TMED3: variants seen among roughly 807,000 people sequenced by gnomAD.
TMED3 encodes the protein transmembrane emp24 domain-containing protein 3.
TMED3 carries 9 observed loss-of-function variants against 15.0 expected under a neutral mutation model. That is an observed-to-expected ratio of 0.60 (90% CI 0.36 to 1.04). The LOEUF is 1.04. TMED3 is among the 50% of genes least tolerant of loss of function. The pLI, the probability that TMED3 is intolerant of heterozygous loss-of-function variation, is 0.01. For missense variants in TMED3, 267 were observed against 278.9 expected (o/e 0.96, Z 0.30); for synonymous variants, 117 against 121.4 (o/e 0.96, Z 0.24).
intron 2 of TMED3, among the ~76,000 whole-genome samples, chr15:79,402,639 T>C (rs935835204): frequency 2.6e-5 from 4 of 151,848 alleles, no homozygotes; most frequent in African/African-American, 9.7e-5. Flanking sequence ...AAGAAAAAAT[T>C]AGCTGGGCAT....
rs866615653 is a variant in TMED3, at chr15:79,350,281, C to T, written c.417+36276C>T. On this transcript the variant is annotated intron_variant, in intron 2 of 2. Coordinates refer to the TMED3 transcript ENST00000424155. The stretch of plus-strand genomic sequence containing the variant: ...AACAGGATATATGTATATATGAAAG[C>T]GAGTTTATTAGGAGAATTGACTCAC... Among the ~76,000 whole-genome samples, 4 of 152,194 alleles carry T rather than the reference C, an allele frequency of 2.6e-5. No individual in the cohort carries two copies. The South Asian group carries it at 6.2e-4, about 24-fold the overall frequency.
At chr15:79,338,863 CGTAA>C (rs2058838017) in intron 2 of TMED3, among the ~76,000 whole-genome samples, 1 of 151,818 alleles carries the variant, frequency 6.6e-6, no homozygotes, top group African/African-American at 2.4e-5. Flanking sequence ...CTAGCGGTAG[CGTAA>C]GTGTCAAGGA....
chr15:79,311,525 G>A, intron 1 of TMED3, 108 bp downstream of exon 1: 2 of 1,369,608 alleles, frequency 1.5e-6, no homozygotes, highest in Middle Eastern at 2.5e-4. Context: ...CAGGCTACAG[G>A]GAGGCTGCAT....
intron 2 of TMED3, among the ~76,000 whole-genome samples, chr15:79,331,542 C>CAAAAAAA (rs71451761): frequency 1.1e-5 from 1 of 89,286 alleles, no homozygotes; most frequent in Non-Finnish European, 2.1e-5. Context: ...GCAAAAGAAG[C>CAAAAAAA]AAAAAAAAAA....
chr15:79,314,322 G>A (rs536149797), intron 2 of TMED3, among the ~76,000 whole-genome samples: 4 of 152,294 alleles, frequency 2.6e-5, no homozygotes, highest in African/African-American at 9.6e-5. Flanking sequence ...CTTATATGAT[G>A]TGCCTGTATC....
At chr15:79,313,088 A>G (rs1319088177) in intron 1 of TMED3, among the ~76,000 whole-genome samples, 2 of 152,206 alleles carry the variant, frequency 1.3e-5, no homozygotes, top group Non-Finnish European at 2.9e-5. Context: ...TCCTCACTTC[A>G]TGGATAAAGA....
At chr15:79,324,324 A>G (rs1164162425), downstream of TMED3, among the ~76,000 whole-genome samples, 3 of 152,214 alleles carry the variant, frequency 2.0e-5, no homozygotes, top group African/African-American at 7.2e-5. Context: ...TAAGCTTTAC[A>G]GTTAAACAGC....
chr15:79,331,780 C>T (rs911879258), intron 2 of TMED3, among the ~76,000 whole-genome samples: 3 of 151,974 alleles, frequency 2.0e-5, no homozygotes, highest in African/African-American at 4.8e-5. Context: ...TATAAATGGC[C>T]GACAAAATAT....
chr15:79,356,665 G>A (rs28567414), intron 2 of TMED3, among the ~76,000 whole-genome samples: 14,268 of 152,254 alleles, frequency 0.094, 713 homozygotes, highest in Admixed American at 0.12. Context: ...GGGGATGGGG[G>A]AGGTCTACGC....
At chr15:79,352,270 C>T (rs1422614180) in intron 2 of TMED3, among the ~76,000 whole-genome samples, 1 of 152,156 alleles carries the variant, frequency 6.6e-6, no homozygotes, top group Non-Finnish European at 1.5e-5. Flanking sequence ...ACCATTGTTT[C>T]TGAACTTCCC....
intron 2 of TMED3, among the ~76,000 whole-genome samples, chr15:79,382,691 A>AT (rs1893556746): frequency 6.6e-6 from 1 of 152,066 alleles, no homozygotes; most frequent in South Asian, 2.1e-4. Context: ...TGGAAACCTT[A>AT]ATCCCTTTCT....
chr15:79,324,867 G>A (rs559834429), downstream of TMED3, among the ~76,000 whole-genome samples: 1 of 152,328 alleles, frequency 6.6e-6, no homozygotes, highest in South Asian at 2.1e-4. Context: ...TCTGCTATGT[G>A]CTACTTGTGC....
intron 2 of TMED3, among the ~76,000 whole-genome samples, chr15:79,339,072 G>A (rs952225087): frequency 2.6e-5 from 4 of 152,140 alleles, no homozygotes; most frequent in African/African-American, 9.7e-5. Context: ...GTTCCATCCT[G>A]TACTCCTGGC....
intron 2 of TMED3, among the ~76,000 whole-genome samples, chr15:79,379,362 G>T (rs758376949): frequency 9.2e-5 from 14 of 152,114 alleles, no homozygotes; most frequent in African/African-American, 3.4e-4. Flanking sequence ...CCAATTTCTT[G>T]TTGGCAAAGT....
At chr15:79,367,400 G>A (rs1893256835) in intron 2 of TMED3, among the ~76,000 whole-genome samples, 1 of 152,186 alleles carries the variant, frequency 6.6e-6, no homozygotes, top group South Asian at 2.1e-4. Context: ...CACAAAGCAA[G>A]GAAGATTGGG....
chr15:79,350,234 G>C (rs2058886695), intron 2 of TMED3, among the ~76,000 whole-genome samples: 1 of 152,092 alleles, frequency 6.6e-6, no homozygotes, highest in African/African-American at 2.4e-5. Context: ...AATGTGTTAG[G>C]GTTCTCCAAA....
intron 2 of TMED3, among the ~76,000 whole-genome samples, chr15:79,405,589 T>A (rs1893892969): frequency 6.6e-6 from 1 of 152,220 alleles, no homozygotes; most frequent in South Asian, 2.1e-4. Context: ...GGGAATAACC[T>A]GGCAAGTCTC....
chr15:79,360,186 G>T (rs531170097), intron 2 of TMED3, among the ~76,000 whole-genome samples: 18 of 152,274 alleles, frequency 1.2e-4, no homozygotes, highest in South Asian at 4.1e-4. Flanking sequence ...AGTGCAGCAG[G>T]TGCAGGAGGA....
chr15:79,398,952 C>T (rs1159137177), intron 2 of TMED3, among the ~76,000 whole-genome samples: 2 of 152,146 alleles, frequency 1.3e-5, no homozygotes, highest in Non-Finnish European at 2.9e-5. Context: ...GCTCTGTTGC[C>T]CAGGCCGGAG....
Sources: gnomAD v4.1 joint callset for allele counts (sites outside exome capture counted in the v4.1 genomes callset) on GRCh38, gnomAD v4.1.1 for gene constraint, MANE v1.5 for transcripts, NCBI Gene and HGNC (gene_info 2026-07-23, HGNC 2026-07-21) for gene names.